ARB2A: variants seen among roughly 807,000 people sequenced by gnomAD.
ARB2A encodes the protein cotranscriptional regulator ARB2A.
the ARB2A span, among the ~76,000 whole-genome samples, chr5:94,005,701 A>G: frequency 1.3e-5 from 2 of 152,364 alleles, no homozygotes; most frequent in South Asian, 4.1e-4. Flanking sequence ...AAACCCAAAC[A>G]ATTCCATTAG....
At chr5:93,652,527 A>T in the ARB2A span, among the ~76,000 whole-genome samples, 2 of 152,352 alleles carry the variant, frequency 1.3e-5, no homozygotes, top group East Asian at 3.9e-4. Flanking sequence ...TACATTTAGC[A>T]AAATTACCAT....
At chr5:93,829,526 T>C in the ARB2A span, among the ~76,000 whole-genome samples, 2 of 152,186 alleles carry the variant, frequency 1.3e-5, no homozygotes, top group Admixed American at 6.6e-5. Context: ...AGGAGCTGTA[T>C]TGTAATTACT....
chr5:93,942,653 T>G, the ARB2A span, among the ~76,000 whole-genome samples: 1 of 151,632 alleles, frequency 6.6e-6, no homozygotes, highest in African/African-American at 2.4e-5. Flanking sequence ...ATAATCATAT[T>G]TCATGACTAT....
At chr5:94,037,952 T>C in the ARB2A span, among the ~76,000 whole-genome samples, 3 of 152,144 alleles carry the variant, frequency 2.0e-5, no homozygotes, top group African/African-American at 7.2e-5. Context: ...AATTGTACTC[T>C]TAGTTGTTTT....
At chr5:93,761,670 G>A in the ARB2A span, among the ~76,000 whole-genome samples, 2 of 152,226 alleles carry the variant, frequency 1.3e-5, no homozygotes, top group African/African-American at 4.8e-5. Context: ...ATCCTCTGCA[G>A]ACTTATATGT....
the ARB2A span, among the ~76,000 whole-genome samples, chr5:93,818,914 G>A: frequency 6.6e-6 from 1 of 152,102 alleles, no homozygotes; most frequent in African/African-American, 2.4e-5. Flanking sequence ...TTGGCCGGGC[G>A]CGGTGGCTCA....
chr5:93,855,893 T>TA, the ARB2A span, among the ~76,000 whole-genome samples: 2 of 151,766 alleles, frequency 1.3e-5, no homozygotes, highest in African/African-American at 4.8e-5. Context: ...CTGGAAACTC[T>TA]AAAAAGCAGA....
At chr5:93,813,987 A>C in the ARB2A span, among the ~76,000 whole-genome samples, 1 of 152,188 alleles carries the variant, frequency 6.6e-6, no homozygotes, top group Non-Finnish European at 1.5e-5. Flanking sequence ...ATTCCTAATC[A>C]ATTTCCATTA....
chr5:94,089,088 T>C, the ARB2A span, among the ~76,000 whole-genome samples: 1 of 152,212 alleles, frequency 6.6e-6, no homozygotes, highest in African/African-American at 2.4e-5. Flanking sequence ...GAGGGAGGAC[T>C]TGATGTTAGA....
At chr5:94,010,331 A>C in the ARB2A span, among the ~76,000 whole-genome samples, 2 of 152,012 alleles carry the variant, frequency 1.3e-5, no homozygotes, top group Non-Finnish European at 1.5e-5. Context: ...CATTTTGCTT[A>C]GCTTTAAACA....
chr5:94,109,770 A>G, the ARB2A span, among the ~76,000 whole-genome samples: 1 of 151,974 alleles, frequency 6.6e-6, no homozygotes, highest in Non-Finnish European at 1.5e-5. Context: ...CATTTCATTC[A>G]GATCTCCACT....
the ARB2A span, among the ~76,000 whole-genome samples, chr5:93,982,057 C>T: frequency 0.091 from 13,870 of 152,162 alleles, 798 homozygotes; most frequent in Middle Eastern, 0.16. Flanking sequence ...TTTCATATTA[C>T]TGGCCAAGAA....
the ARB2A span, among the ~76,000 whole-genome samples, chr5:94,079,450 T>C: frequency 6.6e-6 from 1 of 152,190 alleles, no homozygotes; most frequent in Non-Finnish European, 1.5e-5. Context: ...TAAGTGAGCC[T>C]GGTTAAGGCA....
chr5:93,668,913 G>A, the ARB2A span, among the ~76,000 whole-genome samples: 5 of 152,210 alleles, frequency 3.3e-5, no homozygotes, highest in South Asian at 2.1e-4. Context: ...CAGGTCTGTC[G>A]ATCTGCCATG....
chr5:93,682,941 G>T, the ARB2A span: 2 of 1,580,754 alleles, frequency 1.3e-6, no homozygotes, highest in South Asian at 2.2e-5. Flanking sequence ...ACTTTGGGAA[G>T]AGAACCACCT....
At chr5:93,814,553 A>G in the ARB2A span, among the ~76,000 whole-genome samples, 1 of 152,208 alleles carries the variant, frequency 6.6e-6, no homozygotes, top group Non-Finnish European at 1.5e-5. Flanking sequence ...TACCTCTAAG[A>G]CAAATTTACT....
At chr5:93,674,598 T>G in the ARB2A span, among the ~76,000 whole-genome samples, 1 of 152,226 alleles carries the variant, frequency 6.6e-6, no homozygotes. Context: ...CCAAAGACAT[T>G]GATCATGTAA....
At chr5:93,783,371 T>C in the ARB2A span, among the ~76,000 whole-genome samples, 9 of 152,200 alleles carry the variant, frequency 5.9e-5, no homozygotes, top group African/African-American at 1.9e-4. Flanking sequence ...GTACTTTTTC[T>C]AATGCAGAAA....
the ARB2A span, among the ~76,000 whole-genome samples, chr5:93,939,684 C>T: frequency 6.6e-6 from 1 of 151,966 alleles, no homozygotes; most frequent in African/African-American, 2.4e-5. Flanking sequence ...AATAAAAAGC[C>T]AAATGAGACC....
Sources: gnomAD v4.1 joint callset for allele counts (sites outside exome capture counted in the v4.1 genomes callset) on GRCh38, gnomAD v4.1.1 for gene constraint, MANE v1.5 for transcripts, NCBI Gene and HGNC (gene_info 2026-07-23, HGNC 2026-07-21) for gene names.